Variants in COQ9 observed in about 807,000 individuals in gnomAD.
COQ9 encodes coenzyme Q9, also known as ubiquinone biosynthesis protein COQ9, mitochondrial.
In COQ9, 35 loss-of-function variants were observed where a neutral mutation model predicts 42.4. The ratio of observed to expected loss-of-function variants is 0.83; its 90% CI spans 0.63 to 1.10. The LOEUF (loss-of-function observed/expected upper bound fraction) is 1.10, where lower values mean the gene tolerates loss of function less well. Among genes scored for constraint, COQ9 ranks in the 50% least tolerant of loss-of-function variants. The pLI, the probability that COQ9 is intolerant of heterozygous loss-of-function variation, is 0.00. For synonymous variants in COQ9, 155 were observed against 155.1 expected, an observed-to-expected ratio of 1.00 and a Z score of 0.00; for missense variants, 406 against 414.6, an observed-to-expected ratio of 0.98 and a Z score of 0.18.
chr16:57,457,016 G>A lies in COQ9; in HGVS notation c.606+1G>A. On this transcript the variant is annotated splice_donor_variant, in intron 5 of 8. Transcript: ENST00000262507. LOFTEE classifies it high-confidence loss of function. ...CCCATACATTGAGCACTGGCCCCGG[G>A]TACCAAGTCTATATCCAGGCCCCAG... The A allele has an allele frequency of 6.2e-7, 1 of 1,611,132 alleles. No individual in the cohort carries two copies. Among genetic ancestry groups the A allele is most frequent in the Non-Finnish European group, 8.5e-7 (1 of 1,177,300 alleles).
Position 57,461,257 on chromosome 16 carries a change from T to C in COQ9, c.*633T>C. The C allele has an allele frequency of 4.7e-6, 2 of 426,822 alleles. No individual in the cohort carries two copies. The highest frequency in any genetic ancestry group is 3.2e-5 in the South Asian group (2 of 62,382). The allele number at this position is 426,822 out of a possible 1,614,324, so 26.4% of individuals were successfully genotyped here. ...TTTGAGTCTGTAAAAATAATAAATATGTTTGAAGTAGTTTCCCATTGTGTA... is the reference window on the plus strand; with the variant it reads ...TTTGAGTCTGTAAAAATAATAAATACGTTTGAAGTAGTTTCCCATTGTGTA... On this transcript the variant is annotated 3_prime_UTR_variant, in exon 9 of 9. Transcript: ENST00000262507.
Position 57,460,665 on chromosome 16 carries a change from C to T in COQ9, c.*41C>T, listed in dbSNP as rs202149493. On this transcript the variant is annotated 3_prime_UTR_variant, in exon 9 of 9. Transcript: ENST00000262507. ...GCTACAATGCCTAGAAGAGAATGAGCGGACAGATTGAAAGAGCTTTGAAAA... is the reference window on the plus strand; with the variant it reads ...GCTACAATGCCTAGAAGAGAATGAGTGGACAGATTGAAAGAGCTTTGAAAA... 6.3e-5 allele frequency: 100 copies of T among 1,585,090 alleles called. No homozygotes were observed. Among genetic ancestry groups the T allele is most frequent in the Middle Eastern group, 1.7e-4 (1 of 6,014 alleles).
At chr16:57,455,374 C>T (rs1057200359) in intron 3 of COQ9, among the ~76,000 whole-genome samples, 2 of 108,272 alleles carry the variant, frequency 1.8e-5, no homozygotes, top group Non-Finnish European at 4.0e-5. Context: ...TATATATATA[C>T]AGTATATATA....
At position 57,460,875 on chromosome 16, in the gene COQ9, G is replaced by A. The variant is rs1815251042; in HGVS notation, c.*251G>A. On this transcript the variant is annotated 3_prime_UTR_variant, in exon 9 of 9. Coordinates refer to ENST00000262507, the MANE Select transcript of COQ9 (RefSeq NM_020312.4). ...TGATGCCTTTCTGCACTGCAACTGT[G>A]TGATTGAAAAATGAGATGTTCATCC... is the stretch of plus-strand genomic sequence containing the variant. 2.0e-6 allele frequency: 1 copy of A among 507,218 alleles called. No individual in the cohort carries two copies. 31.4% of individuals were successfully genotyped at this position (507,218 alleles called of 1,614,324 possible). A position where few individuals can be genotyped will look rare whatever the true frequency, so the allele number is the denominator to read the frequency against.
Position 57,460,891 on chromosome 16 carries a change from A to G in COQ9, c.*267A>G. ...TGCAACTGTGTGATTGAAAAATGAG[A>G]TGTTCATCCAAGCAGTCAAGCCACA... is the stretch of plus-strand genomic sequence containing the variant. On this transcript the variant is annotated 3_prime_UTR_variant, in exon 9 of 9. Transcript: ENST00000262507. The G allele has an allele frequency of 2.1e-6, 1 of 470,202 alleles. No individual in the cohort carries two copies. Among genetic ancestry groups the G allele is most frequent in the South Asian group, 2.1e-5 (1 of 47,640 alleles). The allele number at this position is 470,202 out of a possible 1,614,324, so 29.1% of individuals were successfully genotyped here.
intron 3 of COQ9, among the ~76,000 whole-genome samples, chr16:57,454,731 T>C (rs2030363621): frequency 6.6e-6 from 1 of 152,076 alleles, no homozygotes; most frequent in Non-Finnish European, 1.5e-5. Context: ...TGAATAGGCT[T>C]TACCTGACTT....
chr16:57,459,915 C>G, intron 7 of COQ9, 136 bp from the exon 8 acceptor site: 2 of 1,017,560 alleles, frequency 2.0e-6, no homozygotes, highest in Non-Finnish European at 3.1e-6. Flanking sequence ...ATTGTGTTGT[C>G]CAAAGCTCTC....
intron 2 of COQ9, among the ~76,000 whole-genome samples, chr16:57,452,599 G>A (rs1182245682): frequency 6.6e-6 from 1 of 152,146 alleles, no homozygotes; most frequent in Non-Finnish European, 1.5e-5. Context: ...CTGAGATCAC[G>A]CCACTGGACT....
intron 6 of COQ9, 58 bp from the exon 7 acceptor site, chr16:57,459,507 G>A (rs2030479507): frequency 3.8e-6 from 6 of 1,594,900 alleles, no homozygotes; most frequent in African/African-American, 1.3e-5. Context: ...CATGGCCTTG[G>A]GTAGGAACTG....
chr16:57,460,501 A>T, intron 8 of COQ9, 88 bp from the exon 9 acceptor site: 2 of 1,306,146 alleles, frequency 1.5e-6, no homozygotes, highest in Non-Finnish European at 1.1e-6. Flanking sequence ...AAAAAAAAAA[A>T]GAGAAAAAGA....
At chr16:57,458,753 C>G (rs2030462387) in intron 6 of COQ9, among the ~76,000 whole-genome samples, 1 of 152,172 alleles carries the variant, frequency 6.6e-6, no homozygotes. Flanking sequence ...CTTCCCCAGC[C>G]CATCTTGGCC....
chr16:57,447,874 G>C, intron 1 of COQ9: 1 of 317,912 alleles, frequency 3.1e-6, no homozygotes, highest in Non-Finnish European at 5.7e-6. Flanking sequence ...GTTGGTTACA[G>C]AACTGGCAGT....
In COQ9 at chr16:57,449,643, A is replaced by G. The variant is rs576762871; in HGVS notation, c.74-1397A>G. On this transcript the variant is annotated intron_variant, in intron 1 of 8. Coordinates refer to ENST00000262507, the MANE Select transcript of COQ9 (RefSeq NM_020312.4). ...ATTTAAACTTAAAATAAATAAATAT[A>G]TATATATACACACACATATATAGTC... 1.5e-4 allele frequency among the ~76,000 whole-genome samples: 23 copies of G among 152,162 alleles called. No homozygotes were observed. In the South Asian group the frequency reaches 4.0e-3, roughly 26 times the overall value.
chr16:57,454,862 GA>G (rs1285416977), intron 3 of COQ9, among the ~76,000 whole-genome samples: 3 of 152,156 alleles, frequency 2.0e-5, no homozygotes, highest in Admixed American at 2.0e-4. Flanking sequence ...CAGGAAGAGA[GA>G]TTTGAGATGA....
In COQ9 at chr16:57,452,908, C is replaced by G; in HGVS notation, c.350C>G (p.Thr117Arg). The G allele has an allele frequency of 6.2e-7, 1 of 1,613,782 alleles. No homozygotes were observed. The highest frequency in any genetic ancestry group is 1.7e-4 in the Middle Eastern group (1 of 5,842). ...ALEFVPAHGWTAEAIAEGAQS... is the reference protein window; with the variant it reads ...ALEFVPAHGWRAEAIAEGAQS... Reference sequence around the variant, plus strand: ...GAGTTTGTGCCCGCCCACGGGTGGACAGCAGAGGCGATTGCAGAAGGAGCC... The same window carrying G: ...GAGTTTGTGCCCGCCCACGGGTGGAGAGCAGAGGCGATTGCAGAAGGAGCC... The change falls in exon 3 of 9, where the codon ACA becomes AGA. Residue 117 changes from threonine to arginine, a missense_variant. Transcript: ENST00000262507.
intron 2 of COQ9, among the ~76,000 whole-genome samples, chr16:57,452,033 T>G (rs939700275): frequency 1.3e-5 from 2 of 152,338 alleles, no homozygotes; most frequent in East Asian, 3.9e-4. Flanking sequence ...TCTCTATATC[T>G]GAAATTAGCG....
rs1437753554 is a variant in COQ9, at chr16:57,447,546, G to T, written c.41G>T (p.Gly14Val). The change falls in exon 1 of 9, where the codon GGC (glycine) becomes GTC (valine). Residue 14 changes from glycine to valine, a missense_variant. Gly to Val is a moderately radical substitution (Grantham distance 109). Coordinates refer to ENST00000262507, the MANE Select transcript of COQ9 (RefSeq NM_020312.4). ...AAVSGALGRA[G>V]WRLLQLRCLP... Reference sequence around the variant, plus strand: ...GTATCTGGTGCGCTTGGCCGGGCGGGCTGGAGGCTCCTGCAGCTGCGATGC... The same window carrying T: ...GTATCTGGTGCGCTTGGCCGGGCGGTCTGGAGGCTCCTGCAGCTGCGATGC... 2.3e-6 allele frequency: 3 copies of T among 1,306,938 alleles called. No individual in the cohort carries two copies. In the African/African-American group the frequency reaches 4.6e-5, roughly 20 times the overall value. 81.0% of individuals were successfully genotyped at this position (1,306,938 alleles called of 1,614,324 possible).
At chr16:57,450,325 G>T (rs2030254270) in intron 1 of COQ9, among the ~76,000 whole-genome samples, 1 of 146,770 alleles carries the variant, frequency 6.8e-6, no homozygotes, top group Admixed American at 7.0e-5. Context: ...TGAGGCACGA[G>T]AATCACTTGA....
intron 3 of COQ9, among the ~76,000 whole-genome samples, chr16:57,455,432 G>A (rs1400814189): frequency 6.7e-6 from 1 of 148,760 alleles, no homozygotes; most frequent in Non-Finnish European, 1.5e-5. Context: ...AATTATGGAA[G>A]TCAGTGAGAT....
Sources: gnomAD v4.1 joint callset for allele counts (sites outside exome capture counted in the v4.1 genomes callset) on GRCh38, gnomAD v4.1.1 for gene constraint, MANE v1.5 for transcripts, NCBI Gene and HGNC (gene_info 2026-07-23, HGNC 2026-07-21) for gene names.